SRFBP1: variants seen among roughly 807,000 people sequenced by gnomAD.
The protein encoded by SRFBP1 is serum response factor-binding protein 1.
Under a neutral mutation model 45.5 loss-of-function variants are expected in SRFBP1, and 47 were observed. The observed-to-expected ratio is 1.03, with a 90% CI of 0.82 to 1.32. The LOEUF (loss-of-function observed/expected upper bound fraction) is 1.32. SRFBP1 is among the 40% of genes most tolerant of loss of function. The pLI, the probability that SRFBP1 is intolerant of heterozygous loss-of-function variation, is 0.00. For synonymous variants in SRFBP1, 203 were observed against 166.3 expected (o/e 1.22, Z -1.70); for missense variants, 621 against 484.6 (o/e 1.28, Z -2.64).
intron 2 of SRFBP1, among the ~76,000 whole-genome samples, chr5:122,036,898 T>G (rs1008325735): frequency 6.6e-6 from 1 of 151,858 alleles, no homozygotes; most frequent in African/African-American, 2.4e-5. Context: ...TGTGAGTTTT[T>G]TTTTTTTTTT....
At chr5:121,972,377 G>A (rs1001120138) in intron 1 of SRFBP1, among the ~76,000 whole-genome samples, 4 of 151,864 alleles carry the variant, frequency 2.6e-5, no homozygotes, top group African/African-American at 2.4e-5. Context: ...AAAGGAGGAC[G>A]GAGACTAGAG....
At chr5:121,963,291 T>C (rs137956551) in intron 1 of SRFBP1, among the ~76,000 whole-genome samples, 105 of 152,268 alleles carry the variant, frequency 6.9e-4, no homozygotes, top group African/African-American at 2.3e-3. Context: ...GACAGTGGAG[T>C]ACAGGATATG....
chr5:121,995,838 C>T (rs896684296), intron 4 of SRFBP1, among the ~76,000 whole-genome samples: 1 of 151,772 alleles, frequency 6.6e-6, no homozygotes, highest in African/African-American at 2.4e-5. Flanking sequence ...GATATCACCA[C>T]CGATCCCACA....
rs573309244 is a variant in SRFBP1 at position 122,002,093 on chromosome 5, A to G, written c.270+7423A>G. Among the ~76,000 whole-genome samples, 33 of 152,338 alleles carry G rather than the reference A, an allele frequency of 2.2e-4. 1 individual carries two copies. The South Asian group carries it at 6.8e-3, about 32-fold the overall frequency. On this transcript the variant is annotated intron_variant, in intron 4 of 7. Transcript: ENST00000339397. The stretch of plus-strand genomic sequence containing the variant: ...CAGTGCTTATAGTTTTCACTAAAGT[A>G]TGTTAGATACAATCACATTTAATTT...
At chr5:121,978,996 C>A (rs1285189716) in intron 3 of SRFBP1, among the ~76,000 whole-genome samples, 2 of 152,122 alleles carry the variant, frequency 1.3e-5, no homozygotes, top group African/African-American at 2.4e-5. Context: ...TTAAAATCAT[C>A]CTTTGAGCTT....
chr5:121,995,859 C>G (rs1752715433), intron 4 of SRFBP1, among the ~76,000 whole-genome samples: 1 of 151,946 alleles, frequency 6.6e-6, no homozygotes, highest in African/African-American at 2.4e-5. Context: ...GAAATACAAA[C>G]TACCATCAGA....
chr5:121,986,445 T>C (rs892218250), intron 3 of SRFBP1, among the ~76,000 whole-genome samples: 5 of 152,086 alleles, frequency 3.3e-5, no homozygotes, highest in African/African-American at 1.2e-4. Flanking sequence ...GTTGATCATA[T>C]AACCAAATTT....
rs189281239 is a variant in SRFBP1, at chr5:122,048,187, G to A, written n.311+25780G>A. 8.2e-4 allele frequency among the ~76,000 whole-genome samples: 124 copies of A among 152,080 alleles called. 2 individuals are homozygous for A. The South Asian group carries it at 0.014, about 17-fold the overall frequency. ...GTATGATATTGGCTGTGGGTTTGTC[G>A]TAGATAGCTCTTATTATTTTGAGAT... On this transcript the variant is annotated intron_variant and non_coding_transcript_variant, in intron 2 of 2. Transcript: ENST00000504881.
In SRFBP1 at chr5:122,011,975, A is replaced by G. The variant is rs111940188; in HGVS notation, c.271-7285A>G. ...TTCATTTATTTTCAAAAACACATGAAGGGAGCTTTACGCAATTTATAGTGT... is the reference window on the plus strand; with the variant it reads ...TTCATTTATTTTCAAAAACACATGAGGGGAGCTTTACGCAATTTATAGTGT... On this transcript the variant is annotated intron_variant, in intron 4 of 7. Transcript: ENST00000339397. Among the ~76,000 whole-genome samples the G allele has an allele frequency of 6.6e-3, 1,000 of 152,258 alleles. 18 individuals are homozygous for G. Among genetic ancestry groups the G allele is most frequent in the African/African-American group, 0.023 (958 of 41,558 alleles).
chr5:122,041,960 A>G (rs1753780589), intron 2 of SRFBP1, among the ~76,000 whole-genome samples: 1 of 152,178 alleles, frequency 6.6e-6, no homozygotes, highest in Non-Finnish European at 1.5e-5. Flanking sequence ...TGGTGTTAAG[A>G]TCTATTCCTC....
At chr5:121,995,323 T>C (rs1029632065) in intron 4 of SRFBP1, among the ~76,000 whole-genome samples, 5 of 152,108 alleles carry the variant, frequency 3.3e-5, no homozygotes, top group African/African-American at 9.7e-5. Context: ...TCTCTCAGAC[T>C]GCAGTGCAAT....
chr5:122,037,734 T>C (rs1191810327), intron 2 of SRFBP1, among the ~76,000 whole-genome samples: 1 of 151,986 alleles, frequency 6.6e-6, no homozygotes, highest in Non-Finnish European at 1.5e-5. Flanking sequence ...CCCAGGCTGA[T>C]CTCAAACGCC....
intron 2 of SRFBP1, among the ~76,000 whole-genome samples, chr5:122,051,932 A>G (rs1369548618): frequency 6.6e-6 from 1 of 152,134 alleles, no homozygotes; most frequent in Non-Finnish European, 1.5e-5. Flanking sequence ...AGCTCTTGTA[A>G]GGCAGGTCTG....
At chr5:122,000,282 T>C (rs1652941864) in intron 4 of SRFBP1, among the ~76,000 whole-genome samples, 2 of 152,218 alleles carry the variant, frequency 1.3e-5, no homozygotes, top group South Asian at 4.1e-4. Flanking sequence ...AAGTATATAA[T>C]AGATTTTTCT....
chr5:121,991,193 A>G (rs1002260790), intron 3 of SRFBP1, among the ~76,000 whole-genome samples: 3 of 152,112 alleles, frequency 2.0e-5, no homozygotes, highest in African/African-American at 7.2e-5. Context: ...TCTGGATTCT[A>G]CTGAGTTTTT....
downstream of SRFBP1, chr5:122,078,028 TCA>T (rs761497774): frequency 8.6e-4 from 1,231 of 1,428,664 alleles, 2 homozygotes; most frequent in Non-Finnish European, 1.1e-3. Context: ...AGGACGTGGC[TCA>T]CAGAAAATAA....
downstream of SRFBP1, chr5:122,077,743 G>A (rs891932826): frequency 1.9e-6 from 3 of 1,568,448 alleles, no homozygotes; most frequent in South Asian, 1.1e-5. The surrounding 1 kb of genome is among the most constrained non-coding windows in gnomAD (Gnocchi z 4.9). Flanking sequence ...GGGCGGAGGC[G>A]TTGGCTGCAC....
intron 2 of SRFBP1, among the ~76,000 whole-genome samples, chr5:122,068,893 G>T (rs141444114): frequency 1.4e-3 from 206 of 151,942 alleles, no homozygotes; most frequent in African/African-American, 4.8e-3. Flanking sequence ...GTTTATTTAA[G>T]TGCAAATTAT....
At chr5:122,004,135 G>A (rs545953552) in intron 4 of SRFBP1, among the ~76,000 whole-genome samples, 96 of 152,130 alleles carry the variant, frequency 6.3e-4, no homozygotes, top group African/African-American at 1.4e-3. Context: ...ACAGTCATGC[G>A]CCACCATGCC....
Sources: allele counts gnomAD v4.1 joint callset (sites outside exome capture counted in the v4.1 genomes callset), GRCh38; gene constraint gnomAD v4.1.1; non-coding constraint Gnocchi (gnomAD v3.1); transcripts MANE v1.5; gene names NCBI Gene and HGNC (gene_info 2026-07-23, HGNC 2026-07-21).